NINL: variants seen among roughly 807,000 people sequenced by gnomAD.
NINL encodes the protein ninein like.
NINL carries 153 observed loss-of-function variants against 160.3 expected under a neutral mutation model. The ratio of observed to expected loss-of-function variants is 0.95; its 90% CI spans 0.84 to 1.09. NINL has a LOEUF of 1.09. Among genes scored for constraint, NINL ranks in the 50% least tolerant of loss-of-function variants. The pLI is 0.00. For synonymous variants in NINL, 800 were observed against 734.8 expected (o/e 1.09, Z -1.43); for missense variants, 1,829 against 1,764.0 (o/e 1.04, Z -0.66).
At chr20:25,482,457 GCC>G (rs2063411080) in intron 13 of NINL, among the ~76,000 whole-genome samples, 1 of 152,136 alleles carries the variant, frequency 6.6e-6, no homozygotes, top group Non-Finnish European at 1.5e-5. Context: ...TCCTGCCTCT[GCC>G]TCCCAAGTAG....
intron 1 of NINL, among the ~76,000 whole-genome samples, chr20:25,580,278 G>C (rs1030848279): frequency 1.3e-5 from 2 of 151,694 alleles, no homozygotes; most frequent in Admixed American, 1.3e-4. Context: ...AGGTTGCCGT[G>C]AGCCAAGATT....
intron 1 of NINL, among the ~76,000 whole-genome samples, chr20:25,567,896 A>C (rs1184847789): frequency 6.6e-6 from 1 of 152,062 alleles, no homozygotes; most frequent in Non-Finnish European, 1.5e-5. Context: ...AATGAAATGA[A>C]ATGCAACATA....
At chr20:25,515,839 C>T (rs573478072) in intron 3 of NINL, among the ~76,000 whole-genome samples, 23 of 152,222 alleles carry the variant, frequency 1.5e-4, no homozygotes, top group Admixed American at 1.1e-3. Context: ...GGTGCAATCT[C>T]GGCTCACTGC....
At chr20:25,471,177 G>C (rs1280103715) in intron 17 of NINL, among the ~76,000 whole-genome samples, 1 of 151,832 alleles carries the variant, frequency 6.6e-6, no homozygotes, top group African/African-American at 2.4e-5. Context: ...TGTTGTGGTG[G>C]AGATGGGGTC....
intron 1 of NINL, among the ~76,000 whole-genome samples, chr20:25,583,241 T>C (rs754269567): frequency 1.3e-5 from 2 of 152,012 alleles, no homozygotes; most frequent in Non-Finnish European, 2.9e-5. Flanking sequence ...AAAGGTCTAA[T>C]ATCCAGAATA....
intron 13 of NINL, chr20:25,488,896 C>T: frequency 3.9e-6 from 1 of 254,772 alleles, no homozygotes; most frequent in Non-Finnish European, 7.7e-6. Context: ...GTACGGGGGT[C>T]CTCCTGGGTT....
At position 25,504,095 on chromosome 20, in the gene NINL, C is replaced by T; in HGVS notation, c.718G>A (p.Asp240Asn). The T allele has an allele frequency of 6.4e-7, 1 of 1,571,254 alleles. No homozygotes were observed. Among genetic ancestry groups the T allele is most frequent in the Non-Finnish European group, 8.6e-7 (1 of 1,159,668 alleles). ...TCTTGATCCAGTTTGTTAAACAGGT[C>T]TTCGAGTTCCTAAACAAAAGCCGTC... The part of the protein sequence containing the change: ...LQGLEKEELE[D>N]LFNKLDQDGD... Residue 240 changes from aspartate (D) to asparagine (N), a missense_variant, in exon 7 of 24, where the codon GAC becomes AAC. Asp to Asn is a conservative substitution (Grantham distance 23). Coordinates refer to ENST00000278886, the MANE Select transcript of NINL (RefSeq NM_025176.6).
chr20:25,509,088 G>A (rs183652491), intron 5 of NINL, among the ~76,000 whole-genome samples: 1 of 152,250 alleles, frequency 6.6e-6, no homozygotes, highest in African/African-American at 2.4e-5. Context: ...AGAATGTGGT[G>A]GAAGGGATGC....
intron 10 of NINL, among the ~76,000 whole-genome samples, chr20:25,494,721 G>A (rs2063715854): frequency 6.6e-6 from 1 of 152,212 alleles, no homozygotes; most frequent in South Asian, 2.1e-4. Context: ...GCCCAGCACA[G>A]ATCCGTGGAA....
At chr20:25,458,646 G>C (rs1349537030) in intron 21 of NINL, 117 bp from the exon 22 acceptor site, 2 of 1,051,168 alleles carry the variant, frequency 1.9e-6, no homozygotes, top group Non-Finnish European at 2.7e-6. Context: ...GTGCTCCCGA[G>C]TATGCAGCAG....
At chr20:25,570,417 C>T (rs2065040417) in intron 1 of NINL, among the ~76,000 whole-genome samples, 1 of 152,026 alleles carries the variant, frequency 6.6e-6, no homozygotes, top group Admixed American at 6.6e-5. Flanking sequence ...GCATGTGGCA[C>T]CTCCTCGCTT....
chr20:25,565,235 T>C (rs946185206), intron 1 of NINL, among the ~76,000 whole-genome samples: 1 of 152,172 alleles, frequency 6.6e-6, no homozygotes, highest in African/African-American at 2.4e-5. Flanking sequence ...AACATTCTGT[T>C]TTCCATAACA....
chr20:25,539,371 C>T (rs2064619783), intron 1 of NINL, among the ~76,000 whole-genome samples: 2 of 152,216 alleles, frequency 1.3e-5, no homozygotes, highest in Admixed American at 6.5e-5. Context: ...GCTGTGAGGC[C>T]GCAGGGCCCC....
intron 1 of NINL, among the ~76,000 whole-genome samples, chr20:25,546,951 G>A (rs1231464040): frequency 6.6e-6 from 1 of 152,120 alleles, no homozygotes; most frequent in South Asian, 2.1e-4. Context: ...GCTTGCAGAT[G>A]TCTCCCCTGC....
At chr20:25,464,738 G>C (rs778473792) in intron 19 of NINL, among the ~76,000 whole-genome samples, 5 of 152,276 alleles carry the variant, frequency 3.3e-5, no homozygotes, top group Admixed American at 2.6e-4. Flanking sequence ...CATCCTTCCC[G>C]GCACAGGATC....
chr20:25,457,792 T>TGCTG (rs1171337775), intron 22 of NINL, among the ~76,000 whole-genome samples: 5 of 152,228 alleles, frequency 3.3e-5, no homozygotes, highest in African/African-American at 4.8e-5. Flanking sequence ...GGCACAGCTG[T>TGCTG]GCTGGGGACC....
intron 1 of NINL, among the ~76,000 whole-genome samples, chr20:25,544,111 G>A (rs1162563193): frequency 6.6e-6 from 1 of 151,852 alleles, no homozygotes; most frequent in African/African-American, 2.4e-5. Flanking sequence ...GAGAAACCTT[G>A]TCCAGCAGTG....
chr20:25,524,648 C>T (rs893144097), intron 2 of NINL, among the ~76,000 whole-genome samples: 1 of 152,128 alleles, frequency 6.6e-6, no homozygotes, highest in Non-Finnish European at 1.5e-5. Flanking sequence ...GTAACCCAAG[C>T]GAATTTCTCT....
intron 14 of NINL, among the ~76,000 whole-genome samples, chr20:25,480,605 T>C (rs1223633926): frequency 6.6e-6 from 1 of 152,236 alleles, no homozygotes; most frequent in Non-Finnish European, 1.5e-5. Flanking sequence ...TAATGGCCTG[T>C]GGCACAGCAG....
Sources: allele counts gnomAD v4.1 joint callset (sites outside exome capture counted in the v4.1 genomes callset), GRCh38; gene constraint gnomAD v4.1.1; transcripts MANE v1.5; gene names NCBI Gene and HGNC (gene_info 2026-07-23, HGNC 2026-07-21).